The following EFHC1 variants were observed in gnomAD, a reference collection of about 807,000 sequenced individuals.
EFHC1 encodes the protein EF-hand domain containing 1.
EFHC1 carries 53 observed loss-of-function variants against 69.9 expected under a neutral mutation model. The observed-to-expected ratio is 0.76, with a 90% CI of 0.61 to 0.95. EFHC1 has a LOEUF of 0.95. Ranked by LOEUF, EFHC1 falls within the 40% of genes least tolerant of loss-of-function variation. EFHC1 has a pLI of 0.00. For missense variants in EFHC1, 739 were observed against 798.7 expected (o/e 0.93, Z 0.90); for synonymous variants, 256 against 278.4 (o/e 0.92, Z 0.80).
intron 6 of EFHC1, among the ~76,000 whole-genome samples, chr6:52,465,860 CTATA>C (rs933064960): frequency 2.0e-5 from 3 of 147,370 alleles, no homozygotes; most frequent in East Asian, 3.9e-4. Context: ...TAATATCTAT[CTATA>C]TATATATTAT....
chr6:52,459,264 CTG>C (rs1263742249), intron 5 of EFHC1, among the ~76,000 whole-genome samples: 1 of 152,044 alleles, frequency 6.6e-6, no homozygotes, highest in Non-Finnish European at 1.5e-5. Flanking sequence ...TCAAAAGACA[CTG>C]TTAGGAAAGT....
intron 9 of EFHC1, among the ~76,000 whole-genome samples, chr6:52,481,045 A>G (rs1250682299): frequency 6.6e-6 from 1 of 152,156 alleles, no homozygotes; most frequent in East Asian, 1.9e-4. Flanking sequence ...AGATTAGGAG[A>G]GAGATTAGTT....
At chr6:52,471,235 T>G (rs1234370655) in intron 7 of EFHC1, among the ~76,000 whole-genome samples, 4 of 152,242 alleles carry the variant, frequency 2.6e-5, no homozygotes, top group African/African-American at 9.6e-5. Context: ...GGAAACCCTC[T>G]GTGCTTAAGT....
intron 7 of EFHC1, among the ~76,000 whole-genome samples, chr6:52,472,084 AATCT>A (rs1218148718): frequency 6.6e-6 from 1 of 151,930 alleles, no homozygotes; most frequent in Non-Finnish European, 1.5e-5. Flanking sequence ...TGCTAAAATC[AATCT>A]AATATGATTT....
chr6:52,445,912 G>A (rs1042240348), intron 3 of EFHC1, among the ~76,000 whole-genome samples: 7 of 152,316 alleles, frequency 4.6e-5, no homozygotes, highest in Admixed American at 2.6e-4. Context: ...TGATTGCACT[G>A]TGGTCTGAGA....
At position 52,496,005 on chromosome 6, in the gene EFHC1, A is replaced by G. The variant is rs1201984491; in HGVS notation, c.*3664A>G. The G allele has an allele frequency of 9.3e-6, 2 of 214,232 alleles. No homozygotes were observed. Among genetic ancestry groups the G allele is most frequent in the Non-Finnish European group, 1.9e-5 (2 of 105,964 alleles). The allele number at this position is 214,232 out of a possible 1,614,324, so 13.3% of individuals were successfully genotyped here. A position where few individuals can be genotyped will look rare whatever the true frequency, so the allele number is the denominator to read the frequency against. ...CAGAGCAAATCACTTTTTCTACTAA[A>G]ATCCTGAATGGCAGTGCAGCCATTA... On this transcript the variant is annotated 3_prime_UTR_variant, in exon 11 of 11. Transcript: ENST00000371068.
intron 1 of EFHC1, among the ~76,000 whole-genome samples, chr6:52,423,450 T>C (rs1385624750): frequency 1.3e-5 from 2 of 152,186 alleles, no homozygotes; most frequent in Non-Finnish European, 2.9e-5. Flanking sequence ...CTCCTTGTTC[T>C]TGTTCAAGTG....
chr6:52,491,906 G>C (rs1196441271), intron 10 of EFHC1, among the ~76,000 whole-genome samples: 1 of 152,160 alleles, frequency 6.6e-6, no homozygotes, highest in African/African-American at 2.4e-5. Flanking sequence ...TGCCTTCAGC[G>C]TTCCTTCTGG....
At chr6:52,475,174 A>G (rs879354453) in intron 7 of EFHC1, among the ~76,000 whole-genome samples, 6 of 152,180 alleles carry the variant, frequency 3.9e-5, no homozygotes, top group Non-Finnish European at 7.4e-5. Context: ...CCCCTGACCT[A>G]TTGGGTGAAA....
intron 5 of EFHC1, among the ~76,000 whole-genome samples, chr6:52,456,647 C>T (rs1289914746): frequency 6.6e-6 from 1 of 152,168 alleles, no homozygotes; most frequent in East Asian, 1.9e-4. Flanking sequence ...GTCGCTGTGG[C>T]CGAAGCCTAT....
intron 3 of EFHC1, among the ~76,000 whole-genome samples, chr6:52,446,126 T>C (rs1764778582): frequency 6.6e-6 from 1 of 152,204 alleles, no homozygotes; most frequent in Non-Finnish European, 1.5e-5. Context: ...ATTAACTTTC[T>C]GTCTTGTTGA....
chr6:52,476,315 A>G lies in EFHC1; in HGVS notation c.1279-2722A>G, dbSNP rs556432301. Reference sequence around the variant, plus strand: ...ATCCCCAAAGGGATGGCTCCTCCATACAGTAGAATTTCAGTTAATTAATGT... The same window carrying G: ...ATCCCCAAAGGGATGGCTCCTCCATGCAGTAGAATTTCAGTTAATTAATGT... On this transcript the variant is annotated intron_variant, in intron 7 of 10. Coordinates refer to ENST00000371068, the MANE Select transcript of EFHC1 (RefSeq NM_018100.4). 1.3e-3 allele frequency among the ~76,000 whole-genome samples: 194 copies of G among 152,328 alleles called. 1 individual carries two copies. The highest frequency in any genetic ancestry group is 4.4e-3 in the African/African-American group (182 of 41,570).
chr6:52,468,432 A>G (rs1765358287), intron 6 of EFHC1: 1 of 152,254 alleles, frequency 6.6e-6, no homozygotes, highest in Non-Finnish European at 1.5e-5. Flanking sequence ...TATTCCAGGC[A>G]GGGGAAGTGA....
Position 52,495,768 on chromosome 6 carries a change from TC to T in EFHC1, c.*3429del. On this transcript the variant is annotated 3_prime_UTR_variant, in exon 11 of 11. Coordinates refer to ENST00000371068, the MANE Select transcript of EFHC1 (RefSeq NM_018100.4). ...ACTGTCTTCAATAAAGTTGGCACTG[TC>T]CACATACACTCCTTAAGTTTGCTGT... 1 of 364,258 alleles carries T rather than the reference TC, an allele frequency of 2.7e-6. No individual in the cohort carries two copies. The highest frequency in any genetic ancestry group is 5.4e-6 in the Non-Finnish European group (1 of 186,436). The allele number at this position is 364,258 out of a possible 1,614,324, so 22.6% of individuals were successfully genotyped here.
At chr6:52,476,746 C>T (rs1157637449) in intron 7 of EFHC1, among the ~76,000 whole-genome samples, 22 of 147,506 alleles carry the variant, frequency 1.5e-4, no homozygotes. Context: ...AAGAGAAGGG[C>T]AGATTGAGGA....
intron 9 of EFHC1, chr6:52,486,790 T>G (rs899935803): frequency 6.6e-6 from 1 of 152,238 alleles, no homozygotes; most frequent in Non-Finnish European, 1.5e-5. Context: ...GTAACCACTT[T>G]CCTCCTGACT....
intron 9 of EFHC1, chr6:52,487,266 T>G (rs1035890445): frequency 6.6e-6 from 1 of 152,320 alleles, no homozygotes. Flanking sequence ...ACATATAATA[T>G]TGATTACTCT....
intron 9 of EFHC1, chr6:52,489,009 TA>T (rs372842690): frequency 1.1e-4 from 16 of 152,380 alleles, no homozygotes; most frequent in African/African-American, 3.8e-4. Flanking sequence ...TATTTGAGAT[TA>T]TTTGCTGGAC....
intron 3 of EFHC1, among the ~76,000 whole-genome samples, chr6:52,439,548 A>G (rs1183376362): frequency 5.9e-5 from 9 of 152,148 alleles, no homozygotes; most frequent in Admixed American, 4.6e-4. Flanking sequence ...ACTTGCCCCT[A>G]TAGAGGTTCC....
Sources: allele counts gnomAD v4.1 joint callset (sites outside exome capture counted in the v4.1 genomes callset), GRCh38; gene constraint gnomAD v4.1.1; transcripts MANE v1.5; gene names NCBI Gene and HGNC (gene_info 2026-07-23, HGNC 2026-07-21).